The following KIF13A variants were observed in gnomAD, a reference collection of about 807,000 sequenced individuals.
KIF13A encodes the protein kinesin-like protein KIF13A.
A neutral mutation model predicts 212.2 loss-of-function variants in KIF13A; 79 were observed. The ratio of observed to expected loss-of-function variants is 0.37; its 90% CI spans 0.31 to 0.45. The LOEUF (loss-of-function observed/expected upper bound fraction) is 0.45. Among genes scored for constraint, KIF13A ranks in the 20% least tolerant of loss-of-function variants. The pLI, the probability that KIF13A is intolerant of heterozygous loss-of-function variation, is 1.00. For synonymous variants in KIF13A, 789 were observed against 808.6 expected (o/e 0.98, Z 0.41); for missense variants, 1,901 against 2,209.0 (o/e 0.86, Z 2.79).
In KIF13A at chr6:17,839,778, T is replaced by C. The variant is rs1562040988; in HGVS notation, c.831-2195A>G. Among the ~76,000 whole-genome samples, 2 of 152,072 alleles carry C rather than the reference T, an allele frequency of 1.3e-5. No homozygotes were observed. Among genetic ancestry groups the C allele is most frequent in the East Asian group, 1.9e-4 (1 of 5,190 alleles). On this transcript the variant is annotated intron_variant, in intron 9 of 38. Coordinates refer to ENST00000259711, the MANE Select transcript of KIF13A (RefSeq NM_022113.6). The surrounding 1 kb of genome is among the most constrained non-coding windows in gnomAD (Gnocchi z 4.3). The stretch of plus-strand genomic sequence containing the variant: ...CAGGCAGAGACTGGAGTGATGCATC[T>C]ACAAGACAGGGAACGCCGAGGATTG...
At chr6:17,877,144 C>CA (rs35738402) in intron 3 of KIF13A, among the ~76,000 whole-genome samples, 39,321 of 98,120 alleles carry the variant, frequency 0.4, 8,300 homozygotes, top group East Asian at 0.6. Context: ...TCTCTCTTGC[C>CA]AAAAAAAAAA....
In KIF13A at chr6:17,895,257, T is replaced by C. The variant is rs1037243080; in HGVS notation, c.159+2911A>G. Among the ~76,000 whole-genome samples the C allele has an allele frequency of 7.9e-5, 12 of 152,356 alleles. No individual in the cohort carries two copies. Among genetic ancestry groups the C allele is most frequent in the African/African-American group, 2.2e-4 (9 of 41,588 alleles). ...ATAATTTGGTCATCTGAAGCATCTA[T>C]GGGTCTATTTCTAATTTTTATTATT... On this transcript the variant is annotated intron_variant, in intron 3 of 38. Transcript: ENST00000259711. This position sits in a 1 kb window ranked among gnomAD's most constrained non-coding sequence, Gnocchi z 4.4.
rs111534728 is a variant in KIF13A at position 17,851,938 on chromosome 6, T to TA, written c.582+16dup. Reference sequence around the variant, plus strand: ...TTATAGTCAGCTTTTAATCACATTTTAAAAAAAATGACTTACCTCAAAACT... The same window carrying TA: ...TTATAGTCAGCTTTTAATCACATTTTAAAAAAAAATGACTTACCTCAAAACT... On this transcript the variant is annotated intron_variant, in intron 7 of 38. Transcript: ENST00000259711. The TA allele has an allele frequency of 0.019, 26,747 of 1,378,628 alleles. 1,246 individuals carry two copies. The highest frequency in any genetic ancestry group is 0.17 in the African/African-American group (11,501 of 66,814). 85.4% of individuals were successfully genotyped at this position (1,378,628 alleles called of 1,614,324 possible). A position where few individuals can be genotyped will look rare whatever the true frequency, so the allele number is the denominator to read the frequency against.
chr6:17,828,277 C>G lies in KIF13A; in HGVS notation c.1495G>C (p.Asp499His), dbSNP rs1262947285. The G allele has an allele frequency of 6.2e-7, 1 of 1,610,254 alleles. No homozygotes were observed. Among genetic ancestry groups the G allele is most frequent in the South Asian group, 1.1e-5 (1 of 90,254 alleles). ...TTTGGAGTGAGAGTGACGTCTCCAT[C>G]AGATGCAATGTCAATCTCACAGTGC... ...PQHCEIDIASDGDVTLTPKEN... is the reference protein window; with the variant it reads ...PQHCEIDIASHGDVTLTPKEN... Residue 499 changes from aspartate (D) to histidine (H), a missense_variant, in exon 14 of 39, where the codon GAT becomes CAT. Asp to His is a moderately conservative substitution (Grantham distance 81, BLOSUM62 -1). Coordinates refer to ENST00000259711, the MANE Select transcript of KIF13A (RefSeq NM_022113.6). This position sits in a 1 kb window ranked among gnomAD's most constrained non-coding sequence, Gnocchi z 4.3.
Position 17,892,412 on chromosome 6 carries a change from T to C in KIF13A, c.159+5756A>G, listed in dbSNP as rs1334230615. ...AGCCTCCCTACTGATCAAGCTTTGT[T>C]CAAAACAGGCAATAGAGACACTGAA... On this transcript the variant is annotated intron_variant, in intron 3 of 38. Transcript: ENST00000259711. This position sits in a 1 kb window ranked among gnomAD's most constrained non-coding sequence, Gnocchi z 4.7. Among the ~76,000 whole-genome samples, 1 of 152,200 alleles carries C rather than the reference T, an allele frequency of 6.6e-6. No homozygotes were observed. Among genetic ancestry groups the C allele is most frequent in the African/African-American group, 2.4e-5 (1 of 41,458 alleles).
At position 17,951,046 on chromosome 6, in the gene KIF13A, A is replaced by C; in HGVS notation, c.146+36008T>G. On this transcript the variant is annotated intron_variant, in intron 2 of 38. Coordinates refer to ENST00000259711, the MANE Select transcript of KIF13A (RefSeq NM_022113.6). This position sits in a 1 kb window ranked among gnomAD's most constrained non-coding sequence, Gnocchi z 4.9. ...ATATGGGCTATCACAAACCCACTTT[A>C]GTAGTACACCTAAGGACACCTAAGG... 1 of 1,038,730 alleles carries C rather than the reference A, an allele frequency of 9.6e-7. No homozygotes were observed. The highest frequency in any genetic ancestry group is 1.2e-6 in the Non-Finnish European group (1 of 864,698). 64.3% of individuals were successfully genotyped at this position (1,038,730 alleles called of 1,614,324 possible). A position where few individuals can be genotyped will look rare whatever the true frequency, so the allele number is the denominator to read the frequency against.
At chr6:17,941,067 C>T (rs368886582) in intron 2 of KIF13A, among the ~76,000 whole-genome samples, 41 of 152,168 alleles carry the variant, frequency 2.7e-4, no homozygotes, top group African/African-American at 8.4e-4. Context: ...TCAGGTGATC[C>T]GCCTGCCTGG....
chr6:17,763,915 A>G lies in KIF13A; in HGVS notation c.*195T>C. 7.0e-7 allele frequency: 1 copy of G among 1,424,134 alleles called. No homozygotes were observed. Among genetic ancestry groups the G allele is most frequent in the Non-Finnish European group, 9.1e-7 (1 of 1,093,806 alleles). 88.2% of individuals were successfully genotyped at this position (1,424,134 alleles called of 1,614,324 possible). On this transcript the variant is annotated 3_prime_UTR_variant, in exon 39 of 39. Coordinates refer to ENST00000259711, the MANE Select transcript of KIF13A (RefSeq NM_022113.6). ...CACCAACCCATGTGCCAGGTAAAAAAATCCACTGGTCTTATAATTTCACAA... is the reference window on the plus strand; with the variant it reads ...CACCAACCCATGTGCCAGGTAAAAAGATCCACTGGTCTTATAATTTCACAA...
In KIF13A at chr6:17,872,159, G is replaced by A. The variant is rs1420130399; in HGVS notation, c.220+1218C>T. Among the ~76,000 whole-genome samples the A allele has an allele frequency of 3.9e-5, 6 of 152,188 alleles. No homozygotes were observed. Among genetic ancestry groups the A allele is most frequent in the Non-Finnish European group, 8.8e-5 (6 of 68,036 alleles). On this transcript the variant is annotated intron_variant, in intron 4 of 38. Coordinates refer to ENST00000259711, the MANE Select transcript of KIF13A (RefSeq NM_022113.6). This position sits in a 1 kb window ranked among gnomAD's most constrained non-coding sequence, Gnocchi z 4.7. ...GTGAGCAACTGAAGGAATTCTCCTA[G>A]TCCAAGATTGTTAACTCTTGAAAAA...
At chr6:17,941,664 T>A (rs1203549553) in intron 2 of KIF13A, among the ~76,000 whole-genome samples, 1 of 151,932 alleles carries the variant, frequency 6.6e-6, no homozygotes, top group Non-Finnish European at 1.5e-5. Context: ...GCCCACACCT[T>A]GATCTCGGAC....
chr6:17,977,542 A>G (rs1295811882), intron 2 of KIF13A, among the ~76,000 whole-genome samples: 2 of 152,242 alleles, frequency 1.3e-5, no homozygotes, highest in Non-Finnish European at 2.9e-5. Context: ...TTTTAAAATT[A>G]TAAATGTGAA....
chr6:17,929,233 A>G (rs1775778740), intron 2 of KIF13A, among the ~76,000 whole-genome samples: 1 of 152,012 alleles, frequency 6.6e-6, no homozygotes, highest in African/African-American at 2.4e-5. Context: ...AGAGAGAGAC[A>G]AGGTGGGGGG....
intron 16 of KIF13A, among the ~76,000 whole-genome samples, chr6:17,822,204 G>A (rs1764523193): frequency 6.6e-6 from 1 of 151,976 alleles, no homozygotes; most frequent in African/African-American, 2.4e-5. Flanking sequence ...ACTACACCTG[G>A]CTAAATTTTT....
chr6:17,864,299 C>T (rs1447754222), intron 4 of KIF13A, among the ~76,000 whole-genome samples: 3 of 152,162 alleles, frequency 2.0e-5, no homozygotes. Flanking sequence ...ATAACCATGA[C>T]CACAATGCCA....
intron 9 of KIF13A, among the ~76,000 whole-genome samples, chr6:17,847,310 A>G (rs1026418696): frequency 6.6e-5 from 10 of 152,188 alleles, no homozygotes; most frequent in African/African-American, 2.4e-4. Flanking sequence ...TCATTTTGGC[A>G]TGCAGGGCTG....
rs80342107 is a variant in KIF13A at position 17,767,871 on chromosome 6, G to C, written c.4582-2925C>G. Among the ~76,000 whole-genome samples, 28 of 152,188 alleles carry C rather than the reference G, an allele frequency of 1.8e-4. No homozygotes were observed. In the East Asian group the frequency reaches 5.4e-3, roughly 29 times the overall value. ...TAGAAATAGTTGTAAATTTATCAAAGATAATAAATTATTCCTCAAGGATTA... is the reference window on the plus strand; with the variant it reads ...TAGAAATAGTTGTAAATTTATCAAACATAATAAATTATTCCTCAAGGATTA... On this transcript the variant is annotated intron_variant, in intron 38 of 38. Transcript: ENST00000259711.
rs1397117772 is a variant in KIF13A at position 17,837,070 on chromosome 6, G to A, written c.963C>T (p.Ser321=). 1.9e-6 allele frequency: 3 copies of A among 1,613,838 alleles called. No individual in the cohort carries two copies. The highest frequency in any genetic ancestry group is 1.7e-6 in the Non-Finnish European group (2 of 1,179,836). Residue 321 remains serine (S), a synonymous_variant, in exon 11 of 39, where the codon AGC becomes AGT. Transcript: ENST00000259711. The surrounding 1 kb of genome is among the most constrained non-coding windows in gnomAD (Gnocchi z 5.4). ...TGATTGTGGCTATCATAGAGGTTTG[G>A]CTGTTGCCCCCCAAGTTGTCCTGCC... ...WLLKDNLGGN[S]QTSMIATISP... is the part of the protein sequence containing the mutation.
chr6:17,987,347 T>C lies in KIF13A; in HGVS notation c.55+62A>G. 8.6e-7 allele frequency: 1 copy of C among 1,168,890 alleles called. No individual in the cohort carries two copies. The highest frequency in any genetic ancestry group is 1.1e-6 in the Non-Finnish European group (1 of 892,994). The allele number at this position is 1,168,890 out of a possible 1,614,324, so 72.4% of individuals were successfully genotyped here. A position where few individuals can be genotyped will look rare whatever the true frequency, so the allele number is the denominator to read the frequency against. Reference sequence around the variant, plus strand: ...CGCTCTCGCCGTCCCGGCCCCGCAGTTTCTAAAGTTGCCCCCGCCCTCAGC... The same window carrying C: ...CGCTCTCGCCGTCCCGGCCCCGCAGCTTCTAAAGTTGCCCCCGCCCTCAGC... On this transcript the variant is annotated intron_variant, in intron 1 of 38. Coordinates refer to ENST00000259711, the MANE Select transcript of KIF13A (RefSeq NM_022113.6). This position sits in a 1 kb window ranked among gnomAD's most constrained non-coding sequence, Gnocchi z 7.7.
intron 2 of KIF13A, among the ~76,000 whole-genome samples, chr6:17,944,848 T>C (rs1777251851): frequency 1.3e-5 from 2 of 152,048 alleles, no homozygotes; most frequent in African/African-American, 4.8e-5. Flanking sequence ...AAAATTACTA[T>C]CTATAAAGAA....
Sources: allele counts gnomAD v4.1 joint callset (sites outside exome capture counted in the v4.1 genomes callset), GRCh38; gene constraint gnomAD v4.1.1; non-coding constraint Gnocchi (gnomAD v3.1); transcripts MANE v1.5; gene names NCBI Gene and HGNC (gene_info 2026-07-23, HGNC 2026-07-21).